ADARB2: variants seen among roughly 807,000 people sequenced by gnomAD.
ADARB2 encodes adenosine deaminase RNA specific B2 (inactive).
In ADARB2, 25 loss-of-function variants were observed where a neutral mutation model predicts 62.2. The observed-to-expected ratio is 0.40, with a 90% confidence interval of 0.29 to 0.56. The LOEUF (loss-of-function observed/expected upper bound fraction) is 0.56. Ranked by LOEUF, ADARB2 falls within the 20% of genes least tolerant of loss-of-function variation. The probability of loss-of-function intolerance (pLI) is 0.43; values close to 1 mark genes in which losing one functional copy is unlikely to be tolerated. For synonymous variants in ADARB2, 572 were observed against 500.8 expected, an observed-to-expected ratio of 1.14 and a Z score of -1.90; for missense variants, 1,071 against 1,077.4, an observed-to-expected ratio of 0.99 and a Z score of 0.08.
At chr10:1,661,686 C>A (rs1277600308) in intron 1 of ADARB2, among the ~76,000 whole-genome samples, 1 of 152,212 alleles carries the variant, frequency 6.6e-6, no homozygotes, top group Non-Finnish European at 1.5e-5. Context: ...ATTCACCGAG[C>A]AGACAGGAAC....
chr10:1,695,478 T>G (rs549410647), intron 1 of ADARB2, among the ~76,000 whole-genome samples: 70 of 152,340 alleles, frequency 4.6e-4, no homozygotes, highest in Middle Eastern at 6.8e-3. Context: ...AGTCACTCAT[T>G]TATTCATTAA....
rs80343571 is a variant in ADARB2 at position 1,207,951 on chromosome 10, C to G, written c.1683-7804G>C. ...GAGAGTCTAGCCTGGCTCCATAGAGCTGGAAAAACAGGCCGCGTCCACAGG... is the reference window on the plus strand; with the variant it reads ...GAGAGTCTAGCCTGGCTCCATAGAGGTGGAAAAACAGGCCGCGTCCACAGG... On this transcript the variant is annotated intron_variant, in intron 7 of 9. Coordinates refer to ENST00000381312, the MANE Select transcript of ADARB2 (RefSeq NM_018702.4). Among the ~76,000 whole-genome samples the G allele has an allele frequency of 4.3e-4, 65 of 152,310 alleles. No individual in the cohort carries two copies. The East Asian group carries it at 0.011, about 26-fold the overall frequency.
chr10:1,659,430 A>G (rs1228645771), intron 1 of ADARB2, among the ~76,000 whole-genome samples: 1 of 152,200 alleles, frequency 6.6e-6, no homozygotes, highest in Non-Finnish European at 1.5e-5. Context: ...AAAAAACGAA[A>G]AAACCAAACT....
At chr10:1,679,385 G>A (rs1402981953) in intron 1 of ADARB2, among the ~76,000 whole-genome samples, 1 of 152,094 alleles carries the variant, frequency 6.6e-6, no homozygotes, top group African/African-American at 2.4e-5. Context: ...TCCCTGAATT[G>A]TCTCATCAGA....
chr10:1,723,163 C>G (rs1198987876), intron 1 of ADARB2, among the ~76,000 whole-genome samples: 2 of 152,216 alleles, frequency 1.3e-5, no homozygotes, highest in African/African-American at 4.8e-5. Context: ...TATGATGTAG[C>G]TTTTACGGCC....
At chr10:1,346,258 G>A (rs752226623) in intron 3 of ADARB2, among the ~76,000 whole-genome samples, 6 of 152,320 alleles carry the variant, frequency 3.9e-5, no homozygotes, top group Non-Finnish European at 5.9e-5. Flanking sequence ...GGTCTCAGAT[G>A]TATGGGTGAG....
chr10:1,559,508 C>T (rs1437308534), intron 1 of ADARB2, among the ~76,000 whole-genome samples: 1 of 152,082 alleles, frequency 6.6e-6, no homozygotes, highest in Non-Finnish European at 1.5e-5. Flanking sequence ...GCTCAAAGGA[C>T]AGATGCCCTC....
chr10:1,559,361 G>T (rs1044158510), intron 1 of ADARB2, among the ~76,000 whole-genome samples: 1 of 152,320 alleles, frequency 6.6e-6, no homozygotes, highest in East Asian at 1.9e-4. Flanking sequence ...GCTAACGTGC[G>T]TGGTGAGGTC....
intron 1 of ADARB2, among the ~76,000 whole-genome samples, chr10:1,538,612 T>C (rs1184531342): frequency 6.6e-6 from 1 of 152,162 alleles, no homozygotes; most frequent in African/African-American, 2.4e-5. Context: ...ACTTGGAGGA[T>C]GGGCATCACG....
intron 1 of ADARB2, among the ~76,000 whole-genome samples, chr10:1,460,816 G>A (rs1342855562): frequency 1.8e-5 from 2 of 112,194 alleles, no homozygotes; most frequent in East Asian, 4.4e-4. Context: ...TGTGACCTGA[G>A]TTTACCTGTG....
At chr10:1,654,705 G>A (rs1834153465) in intron 1 of ADARB2, among the ~76,000 whole-genome samples, 1 of 152,232 alleles carries the variant, frequency 6.6e-6, no homozygotes, top group South Asian at 2.1e-4. Context: ...TCCCTCAGAG[G>A]GTGGAGTGGG....
At chr10:1,493,024 A>G (rs1054997653) in intron 1 of ADARB2, among the ~76,000 whole-genome samples, 18 of 152,242 alleles carry the variant, frequency 1.2e-4, no homozygotes, top group African/African-American at 4.3e-4. Flanking sequence ...GGGACAGGTC[A>G]CAGCACATTT....
intron 1 of ADARB2, among the ~76,000 whole-genome samples, chr10:1,616,283 T>G (rs1833631710): frequency 6.6e-6 from 1 of 152,228 alleles, no homozygotes; most frequent in Admixed American, 6.5e-5. Context: ...GTATTTCTCT[T>G]CTGTTGGGAA....
chr10:1,561,603 G>A (rs933556405), intron 1 of ADARB2, among the ~76,000 whole-genome samples: 4 of 152,164 alleles, frequency 2.6e-5, no homozygotes, highest in Admixed American at 6.5e-5. Context: ...ATTTGGGGGA[G>A]TTGCCGGAAC....
At chr10:1,456,475 C>G (rs1422866107) in intron 1 of ADARB2, among the ~76,000 whole-genome samples, 1 of 152,138 alleles carries the variant, frequency 6.6e-6, no homozygotes, top group Non-Finnish European at 1.5e-5. Context: ...CTCCCGTCCC[C>G]GGCCCAAAAC....
intron 1 of ADARB2, among the ~76,000 whole-genome samples, chr10:1,391,841 C>T (rs1173668418): frequency 7.9e-6 from 1 of 126,412 alleles, no homozygotes; most frequent in Non-Finnish European, 1.5e-5. Context: ...GTGGTGTGAT[C>T]TTGGTTCACT....
At chr10:1,567,986 G>A (rs1218088436) in intron 1 of ADARB2, among the ~76,000 whole-genome samples, 2 of 152,192 alleles carry the variant, frequency 1.3e-5, no homozygotes, top group African/African-American at 2.4e-5. Context: ...GGAGCAGCTC[G>A]ATCCTTGGGA....
chr10:1,540,586 G>A lies in ADARB2; in HGVS notation c.101-161426C>T, dbSNP rs1832408385. On this transcript the variant is annotated intron_variant, in intron 1 of 9. Coordinates refer to ENST00000381312, the MANE Select transcript of ADARB2 (RefSeq NM_018702.4). Reference sequence around the variant, plus strand: ...CCCACTCAGATGTAGTTCAGACCCTGGATCCGTCCAGACCCCACTCAGACG... The same window carrying A: ...CCCACTCAGATGTAGTTCAGACCCTAGATCCGTCCAGACCCCACTCAGACG... Among the ~76,000 whole-genome samples, 2 of 51,120 alleles carry A rather than the reference G, an allele frequency of 3.9e-5. 1 individual carries two copies. Among genetic ancestry groups the A allele is most frequent in the Non-Finnish European group, 7.5e-5 (2 of 26,808 alleles). 33.5% of individuals were successfully genotyped at this position (51,120 alleles called of 152,430 possible).
intron 2 of ADARB2, among the ~76,000 whole-genome samples, chr10:1,367,834 C>T (rs1832326832): frequency 6.6e-6 from 1 of 152,258 alleles, no homozygotes; most frequent in Non-Finnish European, 1.5e-5. Flanking sequence ...CGCTTTGCCG[C>T]TAGCTGCGCT....
Sources: gnomAD v4.1 joint callset for allele counts (sites outside exome capture counted in the v4.1 genomes callset) on GRCh38, gnomAD v4.1.1 for gene constraint, MANE v1.5 for transcripts, NCBI Gene and HGNC (gene_info 2026-07-23, HGNC 2026-07-21) for gene names.